Variants in ZNF821 observed in about 807,000 individuals in gnomAD.
ZNF821 encodes the protein zinc finger protein 821.
A neutral mutation model predicts 44.3 loss-of-function variants in ZNF821; 16 were observed. That is an observed-to-expected ratio of 0.36 (90% CI 0.24 to 0.55). The LOEUF (loss-of-function observed/expected upper bound fraction) is 0.55. Ranked by LOEUF, ZNF821 falls within the 20% of genes least tolerant of loss-of-function variation. The pLI, the probability that ZNF821 is intolerant of heterozygous loss-of-function variation, is 0.86. For missense variants in ZNF821, 436 were observed against 547.6 expected, an observed-to-expected ratio of 0.80 and a Z score of 2.03; for synonymous variants, 204 against 197.6, an observed-to-expected ratio of 1.03 and a Z score of -0.27.
In ZNF821 at chr16:71,879,898, G is replaced by A. The variant is rs772759040; in HGVS notation, c.40+9C>T. ...TCCCAGGTTCCAGAAGACAAAGCCCGATACTCACAGTGAACTTTATTTGGA... is the reference window on the plus strand; with the variant it reads ...TCCCAGGTTCCAGAAGACAAAGCCCAATACTCACAGTGAACTTTATTTGGA... On this transcript the variant is annotated intron_variant, in intron 3 of 7. Coordinates refer to ENST00000425432, the MANE Select transcript of ZNF821 (RefSeq NM_001201552.2). 5.0e-6 allele frequency: 8 copies of A among 1,612,866 alleles called. No individual in the cohort carries two copies. Among genetic ancestry groups the A allele is most frequent in the Admixed American group, 1.7e-5 (1 of 59,874 alleles).
chr16:71,860,624 G>A lies in ZNF821; in HGVS notation c.633C>T (p.His211=). The change falls in exon 8 of 8, where the codon CAC becomes CAT. Residue 211 remains histidine (H), a synonymous_variant. Transcript: ENST00000425432. This position sits in a 1 kb window ranked among gnomAD's most constrained non-coding sequence, Gnocchi z 7.3. ...CCTCAGCACTGGAGGGACCCTCATTGTGGACTGTGGGTAGGGATTCCATAT... is the reference window on the plus strand; with the variant it reads ...CCTCAGCACTGGAGGGACCCTCATTATGGACTGTGGGTAGGGATTCCATAT... ...VLNMESLPTV[H]NEGPSSAEGK... The A allele has an allele frequency of 4.3e-6, 7 of 1,614,080 alleles. No individual in the cohort carries two copies. Among genetic ancestry groups the A allele is most frequent in the Non-Finnish European group, 5.1e-6 (6 of 1,180,022 alleles).
At chr16:71,874,832 G>A (rs1434427313) in intron 3 of ZNF821, among the ~76,000 whole-genome samples, 1 of 152,172 alleles carries the variant, frequency 6.6e-6, no homozygotes, top group Non-Finnish European at 1.5e-5. Flanking sequence ...CAAGGTGATA[G>A]GAGACTCACA....
intron 3 of ZNF821, among the ~76,000 whole-genome samples, chr16:71,869,613 C>T (rs1052948947): frequency 6.6e-6 from 1 of 152,090 alleles, no homozygotes; most frequent in African/African-American, 2.4e-5. Context: ...AGTATTCAAA[C>T]CCACATCTAA....
intron 3 of ZNF821, among the ~76,000 whole-genome samples, chr16:71,878,717 G>A (rs2036115842): frequency 6.6e-6 from 1 of 152,002 alleles, no homozygotes; most frequent in Non-Finnish European, 1.5e-5. Flanking sequence ...ATCACCTGAG[G>A]TCAGGAGTTC....
rs1000083044 is a variant in ZNF821 at position 71,860,637 on chromosome 16, A to T, written c.620T>A (p.Leu207Gln). 6.2e-7 allele frequency: 1 copy of T among 1,613,840 alleles called. No homozygotes were observed. The highest frequency in any genetic ancestry group is 1.3e-5 in the African/African-American group (1 of 74,916). Residue 207 changes from leucine (L) to glutamine (Q), a missense_variant, in exon 8 of 8, where the codon CTA becomes CAA. By Grantham distance (113) the Leu-to-Gln change is moderately radical (BLOSUM62 -2). Around this residue, in one of 5 missense-constraint regions of ZNF821, gnomAD observed 238 missense variants for 281.4 expected, o/e 0.85. Coordinates refer to ENST00000425432, the MANE Select transcript of ZNF821 (RefSeq NM_001201552.2). This position sits in a 1 kb window ranked among gnomAD's most constrained non-coding sequence, Gnocchi z 7.3. The part of the protein sequence containing the change: ...KLPEVLNMES[L>Q]PTVHNEGPSS... ...GGGACCCTCATTGTGGACTGTGGGT[A>T]GGGATTCCATATTTAGTACTTCAGG...
chr16:71,877,813 G>A (rs1410883900), intron 3 of ZNF821, among the ~76,000 whole-genome samples: 2 of 151,098 alleles, frequency 1.3e-5, no homozygotes, highest in African/African-American at 4.9e-5. Context: ...CCAGCTACTC[G>A]GGAGGCTGAG....
chr16:71,869,904 T>A (rs888568693), intron 3 of ZNF821, among the ~76,000 whole-genome samples: 1 of 152,194 alleles, frequency 6.6e-6, no homozygotes, highest in African/African-American at 2.4e-5. Context: ...CCTAAAGTGT[T>A]GGAATTACAG....
chr16:71,862,814 T>A (rs1331991731), intron 6 of ZNF821, among the ~76,000 whole-genome samples: 1 of 152,184 alleles, frequency 6.6e-6, no homozygotes, highest in African/African-American at 2.4e-5. Flanking sequence ...TGCCCTGTGA[T>A]TGGATCATGG....
chr16:71,860,735 TGCC>T lies in ZNF821; in HGVS notation c.585-66_585-64del. On this transcript the variant is annotated intron_variant, in intron 7 of 7. Coordinates refer to ENST00000425432, the MANE Select transcript of ZNF821 (RefSeq NM_001201552.2). This position sits in a 1 kb window ranked among gnomAD's most constrained non-coding sequence, Gnocchi z 7.3. ...CTAGCAAGAGTCGGGACTCCAGCCC[TGCC>T]TTATTCTTTTCCTATGAGGCCAGTG... is the stretch of plus-strand genomic sequence containing the variant. 5.9e-6 allele frequency: 9 copies of T among 1,529,716 alleles called. No individual in the cohort carries two copies. In the South Asian group the frequency reaches 6.2e-5, roughly 11 times the overall value. The allele number at this position is 1,529,716 out of a possible 1,614,324, so 94.8% of individuals were successfully genotyped here. A position where few individuals can be genotyped will look rare whatever the true frequency, so the allele number is the denominator to read the frequency against.
intron 5 of ZNF821, chr16:71,864,687 G>T: frequency 1.8e-6 from 1 of 570,838 alleles, no homozygotes. Context: ...AGAGAGCTGT[G>T]CACAGGCGCA....
At chr16:71,886,387 A>C (rs1349210049), upstream of ZNF821, among the ~76,000 whole-genome samples, 1 of 152,094 alleles carries the variant, frequency 6.6e-6, no homozygotes, top group Non-Finnish European at 1.5e-5. Context: ...AAGAAGAATT[A>C]ATTTATTTTT....
chr16:71,873,148 C>T (rs2035403577), intron 3 of ZNF821, among the ~76,000 whole-genome samples: 1 of 152,106 alleles, frequency 6.6e-6, no homozygotes, highest in African/African-American at 2.4e-5. Flanking sequence ...ATGGCATAAC[C>T]CTGTCTCTAC....
rs1424269032 is a variant in ZNF821 at position 71,883,272 on chromosome 16, A to T, written c.-139T>A. On this transcript the variant is annotated splice_region_variant and 5_prime_UTR_variant, in exon 2 of 8. Coordinates refer to ENST00000425432, the MANE Select transcript of ZNF821 (RefSeq NM_001201552.2). ...ACTCGACTGAATCCAAGTGATCTGT[A>T]TCTGCCAAAAAGGAGAGGACAAGAA... 2 of 452,238 alleles carry T rather than the reference A, an allele frequency of 4.4e-6. No individual in the cohort carries two copies. Among genetic ancestry groups the T allele is most frequent in the Admixed American group, 2.4e-5 (1 of 42,120 alleles). 28.0% of individuals were successfully genotyped at this position (452,238 alleles called of 1,614,324 possible).
chr16:71,869,631 G>A (rs1567418573), intron 3 of ZNF821, among the ~76,000 whole-genome samples: 1 of 152,030 alleles, frequency 6.6e-6, no homozygotes, highest in Non-Finnish European at 1.5e-5. Context: ...TAACTCTAAT[G>A]TCCTTTTTCT....
upstream of ZNF821, among the ~76,000 whole-genome samples, chr16:71,884,967 C>A (rs1327765915): frequency 6.6e-6 from 1 of 151,094 alleles, no homozygotes; most frequent in Non-Finnish European, 1.5e-5. Flanking sequence ...AAGCGATTCT[C>A]GTGCTTCAGC....
At chr16:71,885,884 G>A (rs184594617), upstream of ZNF821, among the ~76,000 whole-genome samples, 2 of 152,314 alleles carry the variant, frequency 1.3e-5, no homozygotes, top group Admixed American at 1.3e-4. Context: ...ACCCGCAAGT[G>A]TTTGTACTAT....
chr16:71,879,998 T>C lies in ZNF821; in HGVS notation c.-52A>G. On this transcript the variant is annotated 5_prime_UTR_variant, in exon 3 of 8. Coordinates refer to ENST00000425432, the MANE Select transcript of ZNF821 (RefSeq NM_001201552.2). ...TTTCCCAGTTTCACGACTGGATATG[T>C]TACTACCTCCTTGCAAGATGCTAAC... 2.6e-6 allele frequency: 4 copies of C among 1,565,762 alleles called. No individual in the cohort carries two copies. Among genetic ancestry groups the C allele is most frequent in the South Asian group, 1.1e-5 (1 of 87,682 alleles).
At chr16:71,891,690 A>G (rs1361019428) in intron 1 of ZNF821, among the ~76,000 whole-genome samples, 1 of 152,202 alleles carries the variant, frequency 6.6e-6, no homozygotes, top group African/African-American at 2.4e-5. Context: ...CCTGGCCAAC[A>G]TGGTGAAACC....
upstream of ZNF821, among the ~76,000 whole-genome samples, chr16:71,887,949 C>T (rs890834455): frequency 2.0e-5 from 3 of 151,208 alleles, no homozygotes; most frequent in Non-Finnish European, 2.9e-5. Flanking sequence ...GCAGCATTGA[C>T]CTCCCTGAGC....
Sources: gnomAD v4.1 joint callset for allele counts (sites outside exome capture counted in the v4.1 genomes callset) on GRCh38, gnomAD v4.1.1 for gene constraint, gnomAD v4.1.1 regional missense constraint, Gnocchi (gnomAD v3.1) non-coding constraint, MANE v1.5 for transcripts, NCBI Gene and HGNC (gene_info 2026-07-23, HGNC 2026-07-21) for gene names.